CNTN4: variants seen among roughly 807,000 people sequenced by gnomAD.
CNTN4 encodes contactin 4.
CNTN4 carries 77 observed loss-of-function variants against 122.5 expected under a neutral mutation model. The observed-to-expected ratio is 0.63, with a 90% confidence interval of 0.52 to 0.76. CNTN4 has a LOEUF of 0.76. CNTN4 is among the 30% of genes least tolerant of loss of function. The pLI is 0.00. For missense variants in CNTN4, 1,256 were observed against 1,259.1 expected (o/e 1.00, Z 0.04); for synonymous variants, 512 against 447.0 (o/e 1.15, Z -1.83).
intron 2 of CNTN4, among the ~76,000 whole-genome samples, chr3:2,317,224 A>G (rs2043134752): frequency 6.6e-6 from 1 of 152,186 alleles, no homozygotes; most frequent in African/African-American, 2.4e-5. Flanking sequence ...GGATTATCAT[A>G]AAGAAGACAA....
chr3:2,811,229 G>A (rs2092600306), intron 6 of CNTN4, among the ~76,000 whole-genome samples: 2 of 151,220 alleles, frequency 1.3e-5, no homozygotes, highest in Admixed American at 1.3e-4. Flanking sequence ...GGCCAATGTG[G>A]GAAACCTGTC....
At chr3:2,979,748 G>T (rs1333987957) in intron 13 of CNTN4, among the ~76,000 whole-genome samples, 1 of 152,044 alleles carries the variant, frequency 6.6e-6, no homozygotes, top group Non-Finnish European at 1.5e-5. Context: ...GAAAGGAAAT[G>T]ATCACTCCAT....
intron 4 of CNTN4, among the ~76,000 whole-genome samples, chr3:2,689,914 G>C (rs1464269599): frequency 6.6e-6 from 1 of 152,046 alleles, no homozygotes; most frequent in East Asian, 1.9e-4. Flanking sequence ...ATCCTGTGAG[G>C]TAGGGGCGTG....
At chr3:2,941,319 C>A (rs2094612962) in intron 13 of CNTN4, among the ~76,000 whole-genome samples, 1 of 152,108 alleles carries the variant, frequency 6.6e-6, no homozygotes, top group Non-Finnish European at 1.5e-5. Context: ...TCCTCCCCTC[C>A]CATGGCTGTA....
At chr3:2,972,053 C>G (rs1043896677) in intron 13 of CNTN4, among the ~76,000 whole-genome samples, 14 of 152,268 alleles carry the variant, frequency 9.2e-5, no homozygotes, top group Admixed American at 4.6e-4. Context: ...GGTATAATTA[C>G]AGCTCTAATT....
At chr3:2,499,779 G>T (rs1349510422) in intron 3 of CNTN4, among the ~76,000 whole-genome samples, 2 of 152,028 alleles carry the variant, frequency 1.3e-5, no homozygotes, top group African/African-American at 4.8e-5. Context: ...ACCTTACAGG[G>T]AGTTTGATAA....
chr3:2,204,750 C>A (rs79956312), intron 2 of CNTN4, among the ~76,000 whole-genome samples: 9 of 151,980 alleles, frequency 5.9e-5, no homozygotes, highest in African/African-American at 1.7e-4. Context: ...GCAAGGCCCC[C>A]CCATGGGATA....
At chr3:2,362,325 C>G in intron 3 of CNTN4, 1 of 254,644 alleles carries the variant, frequency 3.9e-6, no homozygotes, top group East Asian at 1.2e-4. Flanking sequence ...CCCAGGGCTG[C>G]GCGGCACACA....
At chr3:2,589,111 G>C (rs1445450100) in intron 4 of CNTN4, among the ~76,000 whole-genome samples, 1 of 152,140 alleles carries the variant, frequency 6.6e-6, no homozygotes, top group African/African-American at 2.4e-5. Context: ...GTGACATAAA[G>C]GGGCCAGATT....
chr3:2,876,443 A>G (rs201700539), intron 8 of CNTN4, among the ~76,000 whole-genome samples: 1 of 147,986 alleles, frequency 6.8e-6, no homozygotes, highest in South Asian at 2.2e-4. Flanking sequence ...GTCAATGTGG[A>G]ACTTTTCATA....
intron 6 of CNTN4, among the ~76,000 whole-genome samples, chr3:2,798,405 C>CTATCTATCTATA (rs2092264881): frequency 2.7e-5 from 4 of 147,930 alleles, no homozygotes; most frequent in Admixed American, 2.7e-4. Context: ...ATCTATCTAT[C>CTATCTATCTATA]TATCTCCCAT....
chr3:2,295,418 C>T (rs569627647), intron 2 of CNTN4, among the ~76,000 whole-genome samples: 1 of 135,582 alleles, frequency 7.4e-6, no homozygotes, highest in Non-Finnish European at 1.6e-5. Context: ...TTGCATTTCT[C>T]TGATATCCAG....
At chr3:2,137,355 C>G (rs1282086558) in intron 2 of CNTN4, among the ~76,000 whole-genome samples, 1 of 152,156 alleles carries the variant, frequency 6.6e-6, no homozygotes, top group African/African-American at 2.4e-5. Flanking sequence ...GCAATGGGCA[C>G]TGCCTTGCCA....
chr3:2,241,829 A>G (rs568029790), intron 2 of CNTN4, among the ~76,000 whole-genome samples: 32 of 152,296 alleles, frequency 2.1e-4, no homozygotes, highest in African/African-American at 7.0e-4. Flanking sequence ...ACAAGGTAAT[A>G]CAAGTCTAGG....
intron 3 of CNTN4, among the ~76,000 whole-genome samples, chr3:2,405,671 T>C (rs2047011785): frequency 6.6e-6 from 1 of 152,080 alleles, no homozygotes; most frequent in African/African-American, 2.4e-5. Flanking sequence ...TCCAGAAGAA[T>C]TATAATTAAT....
At chr3:2,405,595 G>GTAGATAGGTAGATAGATAGA (rs1294347755) in intron 3 of CNTN4, among the ~76,000 whole-genome samples, 7 of 149,996 alleles carry the variant, frequency 4.7e-5, no homozygotes, top group Non-Finnish European at 8.9e-5. Context: ...TTATAGATAG[G>GTAGATAGGTAGATAGATAGA]TAGATAGATA....
chr3:2,323,211 A>C (rs149179252), intron 2 of CNTN4, among the ~76,000 whole-genome samples: 1 of 152,254 alleles, frequency 6.6e-6, no homozygotes, highest in Non-Finnish European at 1.5e-5. Flanking sequence ...TACAGGATGA[A>C]GTCTCCTATA....
chr3:2,169,719 A>T (rs2036383444), intron 2 of CNTN4, among the ~76,000 whole-genome samples: 1 of 152,138 alleles, frequency 6.6e-6, no homozygotes, highest in Non-Finnish European at 1.5e-5. Context: ...AGCTATTATG[A>T]AAGATATGAA....
At chr3:2,982,817 T>C (rs1694154470) in intron 13 of CNTN4, among the ~76,000 whole-genome samples, 1 of 152,180 alleles carries the variant, frequency 6.6e-6, no homozygotes, top group Admixed American at 6.5e-5. Context: ...TGTATGTTAT[T>C]GTATGGAACA....
Sources: gnomAD v4.1 joint callset for allele counts (sites outside exome capture counted in the v4.1 genomes callset) on GRCh38, gnomAD v4.1.1 for gene constraint, MANE v1.5 for transcripts, NCBI Gene and HGNC (gene_info 2026-07-23, HGNC 2026-07-21) for gene names.